CYP3A43: variants seen among roughly 807,000 people sequenced by gnomAD.
The protein encoded by CYP3A43 is cytochrome P450 family 3 subfamily A member 43.
A neutral mutation model predicts 58.0 loss-of-function variants in CYP3A43; 45 were observed. The observed-to-expected ratio is 0.78, with a 90% CI of 0.61 to 0.99. The LOEUF (loss-of-function observed/expected upper bound fraction) is 0.99. Among genes scored for constraint, CYP3A43 ranks in the 50% least tolerant of loss-of-function variants. The pLI is 0.00. For synonymous variants in CYP3A43, 191 were observed against 201.4 expected, an observed-to-expected ratio of 0.95 and a Z score of 0.44; for missense variants, 593 against 591.9, an observed-to-expected ratio of 1.00 and a Z score of -0.02.
chr7:99,839,057 GT>G, intron 2 of CYP3A43, 62 bp from the exon 3 acceptor site: 1 of 1,597,100 alleles, frequency 6.3e-7, no homozygotes, highest in Non-Finnish European at 8.6e-7. Flanking sequence ...TTTTGCCCTG[GT>G]TAAATGTAGC....
intron 3 of CYP3A43, among the ~76,000 whole-genome samples, chr7:99,842,095 A>T (rs1055206209): frequency 6.6e-6 from 1 of 152,236 alleles, no homozygotes; most frequent in Non-Finnish European, 1.5e-5. Flanking sequence ...TAAAAGATCA[A>T]ATTTTTTAAA....
At position 99,856,859 on chromosome 7, in the gene CYP3A43, G is replaced by T. The variant is rs45621431; in HGVS notation, c.825G>T (p.Met275Ile). ...QKHRVDFFQQMIDSQNSKETK... is the reference protein window; with the variant it reads ...QKHRVDFFQQIIDSQNSKETK... ...ATCGAGTAGATTTCTTTCAACAGAT[G>T]ATCGACTCCCAGAATTCCAAAGAAA... The change falls in exon 9 of 13, where the codon ATG (methionine) becomes ATT (isoleucine). Residue 275 changes from methionine to isoleucine, a missense_variant. Met to Ile is a conservative substitution (Grantham distance 10). Transcript: ENST00000354829. 1 of 1,613,698 alleles carries T rather than the reference G, an allele frequency of 6.2e-7. No individual in the cohort carries two copies. The highest frequency in any genetic ancestry group is 8.5e-7 in the Non-Finnish European group (1 of 1,179,878).
chr7:99,836,357 T>G, intron 1 of CYP3A43, 96 bp from the exon 2 acceptor site: 1 of 892,762 alleles, frequency 1.1e-6, no homozygotes, highest in Non-Finnish European at 1.8e-6. Flanking sequence ...GTTACCTCCC[T>G]CCCTTGAACA....
At chr7:99,830,373 C>T (rs1036374) in intron 1 of CYP3A43, among the ~76,000 whole-genome samples, 7,602 of 152,164 alleles carry the variant, frequency 0.05, 265 homozygotes, top group African/African-American at 0.096. Context: ...CAAAAATTAG[C>T]TGGGTGTGGT....
intron 3 of CYP3A43, chr7:99,839,500 C>T: frequency 1.9e-6 from 1 of 520,210 alleles, no homozygotes; most frequent in Non-Finnish European, 3.7e-6. Context: ...AGACAGATAG[C>T]TGTAATTTCA....
chr7:99,837,332 A>AAAG (rs1554442626), intron 2 of CYP3A43, among the ~76,000 whole-genome samples: 2 of 150,292 alleles, frequency 1.3e-5, no homozygotes, highest in African/African-American at 2.5e-5. Context: ...AAAAAAAAAA[A>AAAG]AAAGAAAAGA....
At chr7:99,857,729 G>A (rs1818041452) in intron 9 of CYP3A43, among the ~76,000 whole-genome samples, 1 of 152,226 alleles carries the variant, frequency 6.6e-6, no homozygotes, top group African/African-American at 2.4e-5. Flanking sequence ...TGTAATCCCA[G>A]CTATTTGGGA....
chr7:99,856,110 G>A (rs1260939219), intron 8 of CYP3A43, among the ~76,000 whole-genome samples: 1 of 152,164 alleles, frequency 6.6e-6, no homozygotes, highest in African/African-American at 2.4e-5. Context: ...ATATTAGTAA[G>A]GAATCATTTC....
intron 1 of CYP3A43, among the ~76,000 whole-genome samples, chr7:99,831,266 T>A (rs900436167): frequency 6.6e-6 from 1 of 152,192 alleles, no homozygotes; most frequent in Non-Finnish European, 1.5e-5. Context: ...TACTGAATAT[T>A]TAGGATCTAA....
In CYP3A43 at chr7:99,856,890, T is replaced by G; in HGVS notation, c.856T>G (p.Ser286Ala). The change falls in exon 9 of 13, where the codon TCC becomes GCC. Residue 286 changes from serine to alanine, a missense_variant. Physicochemically the swap from Ser to Ala is moderately conservative, Grantham distance 99. Transcript: ENST00000354829. ...CTCCCAGAATTCCAAAGAAACAAAGTCCCATAAAGGTAACCAAGAACTGCA... is the reference window on the plus strand; with the variant it reads ...CTCCCAGAATTCCAAAGAAACAAAGGCCCATAAAGGTAACCAAGAACTGCA... ...IDSQNSKETK[S>A]HKALSDLELV... 6.2e-7 allele frequency: 1 copy of G among 1,613,886 alleles called. No individual in the cohort carries two copies. The highest frequency in any genetic ancestry group is 8.5e-7 in the Non-Finnish European group (1 of 1,179,936).
At chr7:99,856,534 C>G (rs1382430563) in intron 8 of CYP3A43, among the ~76,000 whole-genome samples, 2 of 152,338 alleles carry the variant, frequency 1.3e-5, no homozygotes, top group Non-Finnish European at 2.9e-5. Context: ...AGAGAATGAG[C>G]TGACAACTCT....
rs140798764 is a variant in CYP3A43, at chr7:99,828,391, C to T, written c.71+205C>T. ...GAAAATGTAAAATTTAGTCTGGGTG[C>T]GGTGGCTCACACCTGTAATCTCAGC... On this transcript the variant is annotated intron_variant, in intron 1 of 12. Transcript: ENST00000354829. Among the ~76,000 whole-genome samples the T allele has an allele frequency of 3.8e-3, 583 of 152,206 alleles. 4 individuals carry two copies. The highest frequency in any genetic ancestry group is 6.5e-3 in the Non-Finnish European group (444 of 67,998).
At chr7:99,842,293 A>G (rs1022513248) in intron 3 of CYP3A43, among the ~76,000 whole-genome samples, 23 of 152,306 alleles carry the variant, frequency 1.5e-4, no homozygotes, top group South Asian at 4.1e-4. Flanking sequence ...TTTAATAAAA[A>G]TGGCATCTTT....
intron 4 of CYP3A43, among the ~76,000 whole-genome samples, chr7:99,846,751 A>C (rs570032170): frequency 6.6e-6 from 1 of 152,152 alleles, no homozygotes; most frequent in African/African-American, 2.4e-5. Context: ...CAGAATATCA[A>C]ATTGAGGACG....
Position 99,863,522 on chromosome 7 carries a change from C to T in CYP3A43, c.1254-15C>T, listed in dbSNP as rs1412317775. On this transcript the variant is annotated splice_polypyrimidine_tract_variant and intron_variant, in intron 11 of 12. Coordinates refer to ENST00000354829, the MANE Select transcript of CYP3A43 (RefSeq NM_057095.3). Reference sequence around the variant, plus strand: ...TGTTTCATTAACTAGTTTTTATGTACTACTGTGAAAGTAGGTTCAGTAAGA... The same window carrying T: ...TGTTTCATTAACTAGTTTTTATGTATTACTGTGAAAGTAGGTTCAGTAAGA... 1.3e-6 allele frequency: 2 copies of T among 1,585,562 alleles called. No homozygotes were observed. The highest frequency in any genetic ancestry group is 2.3e-5 in the East Asian group (1 of 44,420).
chr7:99,842,987 C>A (rs970627334), intron 3 of CYP3A43, among the ~76,000 whole-genome samples: 5 of 152,196 alleles, frequency 3.3e-5, no homozygotes, highest in Non-Finnish European at 7.4e-5. Flanking sequence ...AAGGACAAGA[C>A]CAAGAAATTA....
intron 7 of CYP3A43, 164 bp from the exon 8 acceptor site, chr7:99,855,427 G>A (rs754934128): frequency 2.3e-6 from 2 of 865,600 alleles, no homozygotes; most frequent in Non-Finnish European, 3.3e-6. Flanking sequence ...TGGCATGGAA[G>A]AGGGGCAAAG....
intron 12 of CYP3A43, among the ~76,000 whole-genome samples, chr7:99,865,676 A>G (rs1010875846): frequency 3.4e-5 from 5 of 148,864 alleles, no homozygotes; most frequent in Non-Finnish European, 2.9e-5. Flanking sequence ...CCTGGCACAG[A>G]ATAGATACTC....
intron 2 of CYP3A43, chr7:99,838,580 A>C (rs1817186325): frequency 2.1e-6 from 2 of 959,958 alleles, no homozygotes; most frequent in African/African-American, 3.5e-5. Context: ...AGACAGAAGT[A>C]AGTCATTCAA....
Sources: gnomAD v4.1 joint callset for allele counts (sites outside exome capture counted in the v4.1 genomes callset) on GRCh38, gnomAD v4.1.1 for gene constraint, MANE v1.5 for transcripts, NCBI Gene and HGNC (gene_info 2026-07-23, HGNC 2026-07-21) for gene names.